Variants in FANCD2 observed in about 807,000 individuals in gnomAD.
The protein encoded by FANCD2 is FA complementation group D2, also known as Fanconi anemia group D2 protein.
FANCD2 carries 131 observed loss-of-function variants against 192.3 expected under a neutral mutation model. The observed-to-expected ratio is 0.68, with a 90% CI of 0.59 to 0.79. The LOEUF (loss-of-function observed/expected upper bound fraction) is 0.79. FANCD2 is among the 30% of genes least tolerant of loss of function. The pLI is 0.00. For synonymous variants in FANCD2, 524 were observed against 612.5 expected (o/e 0.86, Z 2.13); for missense variants, 1,508 against 1,701.6 (o/e 0.89, Z 2.00).
chr3:10,047,755 G>A (rs574584630), intron 15 of FANCD2, among the ~76,000 whole-genome samples, 162 bp from the exon 16 acceptor site: 1 of 152,288 alleles, frequency 6.6e-6, no homozygotes, highest in South Asian at 2.1e-4. Context: ...ATCTCAGAAT[G>A]ATGAAGGATT....
At chr3:10,050,302 T>C (rs1232925322) in intron 17 of FANCD2, among the ~76,000 whole-genome samples, 1 of 152,076 alleles carries the variant, frequency 6.6e-6, no homozygotes, top group African/African-American at 2.4e-5. Context: ...AATTTGGTGT[T>C]AGAATTAACA....
rs56931017 is a variant in FANCD2, at chr3:10,045,164, G to GTTTTGTTTTTGTTTTTGT, written c.1134+1306_1134+1323dup. On this transcript the variant is annotated intron_variant, in intron 14 of 43. Transcript: ENST00000675286. ...CCAATGTTTTCTCTTTTTTTGTTTT[G>GTTTTGTTTTTGTTTTTGT]TTTTGTTTTTGTTTTTGTTTTTGAG... is the stretch of plus-strand genomic sequence containing the variant. 2.4e-3 allele frequency among the ~76,000 whole-genome samples: 355 copies of GTTTTGTTTTTGTTTTTGT among 145,314 alleles called. 1 individual carries two copies. The highest frequency in any genetic ancestry group is 5.8e-3 in the African/African-American group (222 of 38,258).
At chr3:10,053,216 A>T (rs1411701004) in intron 18 of FANCD2, among the ~76,000 whole-genome samples, 3 of 150,902 alleles carry the variant, frequency 2.0e-5, no homozygotes, top group African/African-American at 4.9e-5. Context: ...TGATGAGTTC[A>T]TGTCCTTTGT....
chr3:10,047,047 G>C (rs2087037893), intron 15 of FANCD2, among the ~76,000 whole-genome samples: 1 of 152,290 alleles, frequency 6.6e-6, no homozygotes, highest in African/African-American at 2.4e-5. Context: ...AATTCCTCTA[G>C]AAATGTAAAT....
intron 22 of FANCD2, 107 bp downstream of exon 22, chr3:10,064,536 C>A: frequency 1.6e-6 from 2 of 1,285,964 alleles, no homozygotes; most frequent in Non-Finnish European, 2.3e-6. Flanking sequence ...CACAGCTGCC[C>A]AGTCCCACAG....
chr3:10,092,999 G>C (rs187860884), intron 38 of FANCD2, among the ~76,000 whole-genome samples: 5 of 152,168 alleles, frequency 3.3e-5, no homozygotes, highest in African/African-American at 1.2e-4. Flanking sequence ...GCCTCATCCA[G>C]TCTTTCTTAA....
chr3:10,096,869 A>G (rs1456086251), intron 42 of FANCD2, among the ~76,000 whole-genome samples: 1 of 152,160 alleles, frequency 6.6e-6, no homozygotes, highest in African/African-American at 2.4e-5. Flanking sequence ...TATTCCAGAA[A>G]TTACAAATTA....
rs1438877977 is a variant in FANCD2 at position 10,043,153 on chromosome 3, A to G, written c.989+3A>G. On this transcript the variant is annotated splice_donor_region_variant and intron_variant, in intron 12 of 43. Coordinates refer to ENST00000675286, the MANE Select transcript of FANCD2 (RefSeq NM_001018115.3). The stretch of plus-strand genomic sequence containing the variant: ...TTGAAAAGTAAAGGACGAGCAAGGT[A>G]AAGAGCTCATCCTCACACAGGATGT... 2.5e-6 allele frequency: 4 copies of G among 1,612,742 alleles called. No homozygotes were observed. The highest frequency in any genetic ancestry group is 2.5e-6 in the Non-Finnish European group (3 of 1,178,852).
chr3:10,065,895 T>C lies in FANCD2; in HGVS notation c.2301T>C (p.Pro767=). 6.2e-7 allele frequency: 1 copy of C among 1,613,138 alleles called. No individual in the cohort carries two copies. The highest frequency in any genetic ancestry group is 1.1e-5 in the South Asian group (1 of 91,066). Residue 767 remains proline, a synonymous_variant, in exon 25 of 44, where the codon CCT becomes CCC. Coordinates refer to ENST00000675286, the MANE Select transcript of FANCD2 (RefSeq NM_001018115.3). ...CTATATTCCTAACTGACCTGGAGCCTGGAGAGAAGTTGGAGTCCATGTCTG... is the reference window on the plus strand; with the variant it reads ...CTATATTCCTAACTGACCTGGAGCCCGGAGAGAAGTTGGAGTCCATGTCTG... ...DCPIFLTDLE[P]GEKLESMSAK...
intron 19 of FANCD2, among the ~76,000 whole-genome samples, chr3:10,061,949 A>G (rs933856555): frequency 7.6e-6 from 1 of 131,486 alleles, no homozygotes; most frequent in Non-Finnish European, 1.6e-5. Context: ...GAAAGGGAAC[A>G]TCACACACCG....
At chr3:10,097,776 G>T (rs1205024232) in intron 42 of FANCD2, among the ~76,000 whole-genome samples, 3 of 152,322 alleles carry the variant, frequency 2.0e-5, no homozygotes, top group Middle Eastern at 3.4e-3. Context: ...TGGGGAAGTG[G>T]TAAGTGTCCA....
At position 10,090,864 on chromosome 3, in the gene FANCD2, TC is replaced by T. The variant is rs538353154; in HGVS notation, c.3777+481del. On this transcript the variant is annotated intron_variant, in intron 37 of 43. Coordinates refer to ENST00000675286, the MANE Select transcript of FANCD2 (RefSeq NM_001018115.3). ...GATTCAGGATTTTTTTTCAAAGAGT[TC>T]CTAGTTTAATTTCCTTTCCCTCTAG... Among the ~76,000 whole-genome samples, 732 of 152,076 alleles carry T rather than the reference TC, an allele frequency of 4.8e-3. 3 individuals carry two copies. The highest frequency in any genetic ancestry group is 8.3e-3 in the Non-Finnish European group (567 of 67,990).
In FANCD2 at chr3:10,101,210, G is replaced by C. The variant is rs1440599444; in HGVS notation, c.4304G>C (p.Ser1435Thr). Residue 1435 changes from serine to threonine, a missense_variant, in exon 44 of 44, where the codon AGT becomes ACT. Physicochemically the swap from Ser to Thr is moderately conservative, Grantham distance 58. Coordinates refer to ENST00000675286, the MANE Select transcript of FANCD2 (RefSeq NM_001018115.3). ...ATEDGEEDEV[S>T]AGEKEQDSDE... ...TAGGATGGTGAAGAAGACGAAGTAAGTGCTGGAGAAAAGGAGCAAGATAGT... is the reference window on the plus strand; with the variant it reads ...TAGGATGGTGAAGAAGACGAAGTAACTGCTGGAGAAAAGGAGCAAGATAGT... 4 of 1,613,484 alleles carry C rather than the reference G, an allele frequency of 2.5e-6. No individual in the cohort carries two copies. Among genetic ancestry groups the C allele is most frequent in the Admixed American group, 3.3e-5 (2 of 59,998 alleles).
At chr3:10,075,779 G>T (rs1559396284) in intron 29 of FANCD2, among the ~76,000 whole-genome samples, 1 of 129,132 alleles carries the variant, frequency 7.7e-6, no homozygotes, top group Admixed American at 1.0e-4. Flanking sequence ...TGCACAGGCT[G>T]GAGTGCGGTG....
chr3:10,089,063 A>C, intron 36 of FANCD2, 113 bp downstream of exon 36: 1 of 1,208,810 alleles, frequency 8.3e-7, no homozygotes, highest in East Asian at 2.4e-5. Context: ...CAGGAGGATC[A>C]CCTTGAGGTC....
intron 28 of FANCD2, 85 bp from the exon 29 acceptor site, chr3:10,074,445 C>T: frequency 1.7e-6 from 2 of 1,207,240 alleles, no homozygotes. Flanking sequence ...TAAATAAATG[C>T]ATATTTGTAC....
At chr3:10,036,086 C>CTTTTTTGTTTTTTTTTTTTTTT (rs2086721930) in intron 6 of FANCD2, among the ~76,000 whole-genome samples, 1 of 102,600 alleles carries the variant, frequency 9.7e-6, no homozygotes, top group Non-Finnish European at 2.0e-5. Flanking sequence ...TTATACATTT[C>CTTTTTTGTTTTTTTTTTTTTTT]TTTTTTTTTT....
chr3:10,056,994 A>G (rs147032689), intron 18 of FANCD2, among the ~76,000 whole-genome samples: 3,884 of 152,232 alleles, frequency 0.026, 71 homozygotes, highest in Middle Eastern at 0.044. Context: ...AGCTGGGACC[A>G]TAGGTGTGCA....
chr3:10,101,191 G>A lies in FANCD2; in HGVS notation c.4285G>A (p.Gly1429Ser). 1.9e-6 allele frequency: 3 copies of A among 1,611,872 alleles called. No individual in the cohort carries two copies. ...TTATTTATTCTTTGCCCCTTAGGAT[G>A]GTGAAGAAGACGAAGTAAGTGCTGG... ...QASKSKATED[G>S]EEDEVSAGEK... Residue 1429 changes from glycine to serine, a missense_variant, in exon 44 of 44, where the codon GGT becomes AGT. Transcript: ENST00000675286.
Sources: allele counts gnomAD v4.1 joint callset (sites outside exome capture counted in the v4.1 genomes callset), GRCh38; gene constraint gnomAD v4.1.1; transcripts MANE v1.5; gene names NCBI Gene and HGNC (gene_info 2026-07-23, HGNC 2026-07-21).